The following CELF2 variants were observed in gnomAD, a reference collection of about 807,000 sequenced individuals.
CELF2 encodes CUG triplet repeat RNA-binding protein 2.
A neutral mutation model predicts 62.6 loss-of-function variants in CELF2; 8 were observed. That is an observed-to-expected ratio of 0.13 (90% CI 0.07 to 0.23). CELF2 has a LOEUF of 0.23. CELF2 is among the 10% of genes least tolerant of loss of function. The pLI is 1.00. For missense variants in CELF2, 333 were observed against 671.0 expected, an observed-to-expected ratio of 0.50 and a Z score of 5.56; for synonymous variants, 258 against 250.0, an observed-to-expected ratio of 1.03 and a Z score of -0.30.
the CELF2 span, among the ~76,000 whole-genome samples, chr10:10,651,276 C>T: frequency 1.2e-4 from 17 of 145,292 alleles, no homozygotes; most frequent in African/African-American, 2.5e-4. Context: ...AACTGCAAGG[C>T]GGCAGTGAGG....
chr10:11,172,628 C>T (rs570777173), intron 2 of CELF2, among the ~76,000 whole-genome samples: 9 of 152,248 alleles, frequency 5.9e-5, no homozygotes, highest in Middle Eastern at 3.4e-3. Context: ...CAGCGTCTGC[C>T]CTGGCAGATA....
At chr10:11,240,092 A>G (rs997917944) in intron 3 of CELF2, among the ~76,000 whole-genome samples, 7 of 152,184 alleles carry the variant, frequency 4.6e-5, no homozygotes, top group African/African-American at 1.7e-4. Context: ...TAATCGTGAT[A>G]TGTAAAAGAA....
chr10:10,882,805 A>G (rs1172436935), intron 1 of CELF2, among the ~76,000 whole-genome samples: 1 of 152,180 alleles, frequency 6.6e-6, no homozygotes, highest in Non-Finnish European at 1.5e-5. Context: ...AAAATATCAA[A>G]TAAAAAAAAT....
At chr10:10,881,101 C>G (rs1021783364) in intron 1 of CELF2, among the ~76,000 whole-genome samples, 2 of 152,188 alleles carry the variant, frequency 1.3e-5, no homozygotes, top group African/African-American at 4.8e-5. Context: ...ACTTCACTTA[C>G]GACTGTTACT....
At chr10:10,811,138 A>T (rs1047043982) in intron 1 of CELF2, among the ~76,000 whole-genome samples, 8 of 152,348 alleles carry the variant, frequency 5.3e-5, no homozygotes, top group Non-Finnish European at 1.0e-4. Context: ...CTGTGCAGGC[A>T]GAGTTGTCCT....
At chr10:11,277,729 A>G (rs1428830858) in intron 8 of CELF2, among the ~76,000 whole-genome samples, 1 of 152,266 alleles carries the variant, frequency 6.6e-6, no homozygotes, top group African/African-American at 2.4e-5. Context: ...TGTATAACAT[A>G]AAACATAACA....
At chr10:10,665,528 G>C in the CELF2 span, among the ~76,000 whole-genome samples, 8 of 152,032 alleles carry the variant, frequency 5.3e-5, no homozygotes, top group African/African-American at 1.9e-4. Flanking sequence ...TCAGAGACTC[G>C]TTGTCCACCC....
chr10:10,488,329 T>A, the CELF2 span, among the ~76,000 whole-genome samples: 1 of 152,138 alleles, frequency 6.6e-6, no homozygotes, highest in South Asian at 2.1e-4. Flanking sequence ...GGAGAGCTAC[T>A]TGTTCTGTGA....
rs1468319399 is a variant in CELF2, at chr10:11,012,308, T to C, written c.53+6868T>C. 6.6e-6 allele frequency among the ~76,000 whole-genome samples: 1 copy of C among 152,252 alleles called. No individual in the cohort carries two copies. Among genetic ancestry groups the C allele is most frequent in the African/African-American group, 2.4e-5 (1 of 41,470 alleles). On this transcript the variant is annotated intron_variant, in intron 1 of 12. Transcript: ENST00000416382. The surrounding 1 kb of genome is among the most constrained non-coding windows in gnomAD (Gnocchi z 5.5). ...GCTCTTTGGGAGGGATCAGTTACCATAGTGAGTCAAGTAGATTCATTTGCT... is the reference window on the plus strand; with the variant it reads ...GCTCTTTGGGAGGGATCAGTTACCACAGTGAGTCAAGTAGATTCATTTGCT...
chr10:11,312,899 A>G (rs981947697), intron 9 of CELF2, among the ~76,000 whole-genome samples: 1 of 152,202 alleles, frequency 6.6e-6, no homozygotes, highest in Non-Finnish European at 1.5e-5. Flanking sequence ...ATGCCACTGC[A>G]CTCCAGTCTG....
At chr10:10,607,325 C>T in the CELF2 span, among the ~76,000 whole-genome samples, 2 of 152,082 alleles carry the variant, frequency 1.3e-5, no homozygotes, top group African/African-American at 4.8e-5. Context: ...AAATAGGAAA[C>T]AGCAGCAAAA....
chr10:10,685,769 T>C, the CELF2 span, among the ~76,000 whole-genome samples: 1 of 152,204 alleles, frequency 6.6e-6, no homozygotes, highest in Non-Finnish European at 1.5e-5. Flanking sequence ...GTTTTCTAAG[T>C]AGACCACAGC....
At chr10:10,890,734 G>A (rs1442035913) in intron 1 of CELF2, among the ~76,000 whole-genome samples, 1 of 152,218 alleles carries the variant, frequency 6.6e-6, no homozygotes, top group Non-Finnish European at 1.5e-5. Context: ...ACCAGCATAG[G>A]CTGGGCGCTG....
In CELF2 at chr10:11,333,176, G is replaced by C. The variant is rs2096061128; in HGVS notation, c.*4123G>C. 1 of 152,010 alleles carries C rather than the reference G, an allele frequency of 6.6e-6. No individual in the cohort carries two copies. Among genetic ancestry groups the C allele is most frequent in the Non-Finnish European group, 1.5e-5 (1 of 68,014 alleles). The allele number at this position is 152,010 out of a possible 1,614,324, so 9.4% of individuals were successfully genotyped here. On this transcript the variant is annotated 3_prime_UTR_variant, in exon 13 of 13. Transcript: ENST00000633077. The stretch of plus-strand genomic sequence containing the variant: ...TCAGGACGCGCCCTCTGAATCGAGT[G>C]TTTCTTCTTCACAAGTCACCAAGAG...
chr10:10,679,955 A>G, the CELF2 span, among the ~76,000 whole-genome samples: 38 of 152,278 alleles, frequency 2.5e-4, no homozygotes, highest in East Asian at 7.0e-3. Context: ...TTTCCTCTTT[A>G]TTAAAATACT....
At chr10:10,490,712 C>A in the CELF2 span, among the ~76,000 whole-genome samples, 4 of 152,174 alleles carry the variant, frequency 2.6e-5, no homozygotes, top group South Asian at 8.3e-4. Context: ...TACAAATGAG[C>A]ATAAGCCCCT....
chr10:11,298,495 T>C (rs2093407936), intron 9 of CELF2, among the ~76,000 whole-genome samples: 1 of 152,212 alleles, frequency 6.6e-6, no homozygotes, highest in East Asian at 1.9e-4. Context: ...CAAAAACTCA[T>C]GCCGGGGCAG....
the CELF2 span, among the ~76,000 whole-genome samples, chr10:10,668,112 C>T: frequency 6.6e-5 from 10 of 152,142 alleles, no homozygotes; most frequent in African/African-American, 2.4e-4. Flanking sequence ...TGTAGTTAAA[C>T]GAATAGCTTT....
At chr10:10,569,178 T>G in the CELF2 span, among the ~76,000 whole-genome samples, 1 of 152,152 alleles carries the variant, frequency 6.6e-6, no homozygotes, top group Non-Finnish European at 1.5e-5. Flanking sequence ...TTCCTGCTGC[T>G]GATAAAGACA....
Sources: gnomAD v4.1 joint callset for allele counts (sites outside exome capture counted in the v4.1 genomes callset) on GRCh38, gnomAD v4.1.1 for gene constraint, Gnocchi (gnomAD v3.1) non-coding constraint, MANE v1.5 for transcripts, NCBI Gene and HGNC (gene_info 2026-07-23, HGNC 2026-07-21) for gene names.